PIGN: variants seen among roughly 807,000 people sequenced by gnomAD.
PIGN encodes phosphatidylinositol glycan anchor biosynthesis class N, also known as GPI ethanolamine phosphate transferase 1.
A neutral mutation model predicts 125.4 loss-of-function variants in PIGN; 117 were observed. That is an observed-to-expected ratio of 0.93 (90% CI 0.80 to 1.09). The LOEUF is 1.09. Among genes scored for constraint, PIGN ranks in the 50% least tolerant of loss-of-function variants. The pLI, the probability that PIGN is intolerant of heterozygous loss-of-function variation, is 0.00. For missense variants in PIGN, 1,075 were observed against 1,094.9 expected (o/e 0.98, Z 0.26); for synonymous variants, 392 against 377.8 (o/e 1.04, Z -0.44).
In PIGN at chr18:62,106,690, T is replaced by C. The variant is rs1411382752; in HGVS notation, c.1767+99A>G. On this transcript the variant is annotated intron_variant, in intron 19 of 30. Transcript: ENST00000640252. ...CTAGGCTCTTTTATGTAAGAACACATTCTACCCTTTTCTTTAAAAATAAAC... is the reference window on the plus strand; with the variant it reads ...CTAGGCTCTTTTATGTAAGAACACACTCTACCCTTTTCTTTAAAAATAAAC... The C allele has an allele frequency of 6.6e-6, 5 of 753,422 alleles. No individual in the cohort carries two copies. In the East Asian group the frequency reaches 1.3e-4, roughly 20 times the overall value. 46.7% of individuals were successfully genotyped at this position (753,422 alleles called of 1,614,324 possible). A position where few individuals can be genotyped will look rare whatever the true frequency, so the allele number is the denominator to read the frequency against.
intron 30 of PIGN, among the ~76,000 whole-genome samples, chr18:62,071,496 C>T (rs1400217531): frequency 1.3e-5 from 2 of 152,116 alleles, no homozygotes; most frequent in African/African-American, 4.8e-5. Flanking sequence ...ATCATATGGG[C>T]ACCTTCTATA....
At chr18:62,095,038 A>G (rs2034120222) in intron 23 of PIGN, among the ~76,000 whole-genome samples, 1 of 152,162 alleles carries the variant, frequency 6.6e-6, no homozygotes, top group Non-Finnish European at 1.5e-5. Context: ...TGGCTTTACA[A>G]AATCATTTGA....
intron 10 of PIGN, among the ~76,000 whole-genome samples, chr18:62,143,933 G>A (rs1365709164): frequency 6.6e-6 from 1 of 152,134 alleles, no homozygotes; most frequent in Admixed American, 6.5e-5. Flanking sequence ...ATCTAAACAA[G>A]TGATTATGAG....
chr18:62,074,345 C>T (rs1354333406), intron 29 of PIGN, among the ~76,000 whole-genome samples: 2 of 152,196 alleles, frequency 1.3e-5, no homozygotes, highest in Non-Finnish European at 1.5e-5. Context: ...TTTATTGCAG[C>T]TACGTCTTGA....
At chr18:62,074,626 T>C (rs904200363) in intron 29 of PIGN, among the ~76,000 whole-genome samples, 153 bp downstream of exon 29, 3 of 152,144 alleles carry the variant, frequency 2.0e-5, no homozygotes, top group Admixed American at 2.0e-4. Context: ...GCATAACTAA[T>C]ATAAAAGAAC....
chr18:62,164,714 G>A (rs1568248651), intron 1 of PIGN, among the ~76,000 whole-genome samples: 2 of 152,210 alleles, frequency 1.3e-5, no homozygotes, highest in East Asian at 1.9e-4. Context: ...CATACATTAT[G>A]TTGATTATTA....
intron 14 of PIGN, among the ~76,000 whole-genome samples, chr18:62,122,539 G>A (rs1300607729): frequency 6.6e-6 from 1 of 152,102 alleles, no homozygotes; most frequent in African/African-American, 2.4e-5. Context: ...AGTGGATTCA[G>A]AATAGCAGCA....
At chr18:62,101,295 T>C in intron 21 of PIGN, 112 bp from the exon 22 acceptor site, 1 of 663,490 alleles carries the variant, frequency 1.5e-6, no homozygotes, top group Non-Finnish European at 2.6e-6. Flanking sequence ...AAAAAATGTG[T>C]ATCTTGGAAT....
chr18:62,087,142 C>T (rs945427722), intron 25 of PIGN, among the ~76,000 whole-genome samples: 5 of 151,888 alleles, frequency 3.3e-5, no homozygotes, highest in African/African-American at 1.2e-4. Flanking sequence ...ATGGCATAAA[C>T]CAGGCACAAT....
chr18:62,144,689 G>A (rs945056283), intron 10 of PIGN, among the ~76,000 whole-genome samples: 5 of 152,176 alleles, frequency 3.3e-5, no homozygotes, highest in African/African-American at 1.2e-4. Context: ...AACTTCTAGG[G>A]TATAAATGTA....
At chr18:62,163,471 C>T (rs1419692350) in intron 2 of PIGN, 60 bp downstream of exon 2, 1 of 152,096 alleles carries the variant, frequency 6.6e-6, no homozygotes, top group Non-Finnish European at 1.5e-5. Context: ...GGGTCAACTA[C>T]TTAAAATACC....
At chr18:62,124,179 G>GA (rs2035416264) in intron 14 of PIGN, among the ~76,000 whole-genome samples, 1 of 152,032 alleles carries the variant, frequency 6.6e-6, no homozygotes, top group Non-Finnish European at 1.5e-5. Context: ...CAGATTTTGA[G>GA]AAAAATGATT....
intron 30 of PIGN, among the ~76,000 whole-genome samples, chr18:62,061,629 A>G (rs1568129909): frequency 6.6e-6 from 1 of 152,110 alleles, no homozygotes; most frequent in East Asian, 1.9e-4. Context: ...TACTATTAAC[A>G]CAAAGGAGTT....
intron 22 of PIGN, among the ~76,000 whole-genome samples, chr18:62,100,042 G>A (rs1348605595): frequency 1.3e-5 from 2 of 152,090 alleles, no homozygotes; most frequent in African/African-American, 4.8e-5. Context: ...TACAGAATGG[G>A]AGAAAATATT....
At chr18:62,138,599 A>G (rs1290089252) in intron 13 of PIGN, among the ~76,000 whole-genome samples, 1 of 152,228 alleles carries the variant, frequency 6.6e-6, no homozygotes, top group Non-Finnish European at 1.5e-5. Context: ...CATTAAGAAT[A>G]ACAGAAGGTT....
chr18:62,158,123 T>A (rs1010651365), intron 4 of PIGN: 6 of 215,460 alleles, frequency 2.8e-5, no homozygotes, highest in African/African-American at 1.4e-4. Flanking sequence ...AGATAAAACA[T>A]ATATTATTAT....
intron 12 of PIGN, among the ~76,000 whole-genome samples, chr18:62,139,825 G>T (rs564212948): frequency 6.6e-6 from 1 of 152,282 alleles, no homozygotes; most frequent in East Asian, 1.9e-4. Flanking sequence ...CCTGAGAACA[G>T]CTCTGCCATG....
intron 30 of PIGN, among the ~76,000 whole-genome samples, chr18:62,047,760 C>T (rs1406588866): frequency 6.6e-6 from 1 of 151,966 alleles, no homozygotes; most frequent in Non-Finnish European, 1.5e-5. Flanking sequence ...ACCAAATACC[C>T]AAAATGTCTA....
intron 30 of PIGN, among the ~76,000 whole-genome samples, chr18:62,055,941 A>G (rs942823243): frequency 6.6e-6 from 1 of 151,234 alleles, no homozygotes; most frequent in African/African-American, 2.4e-5. Context: ...GAATTATTAA[A>G]GATAATTTAT....
Sources: gnomAD v4.1 joint callset for allele counts (sites outside exome capture counted in the v4.1 genomes callset) on GRCh38, gnomAD v4.1.1 for gene constraint, MANE v1.5 for transcripts, NCBI Gene and HGNC (gene_info 2026-07-23, HGNC 2026-07-21) for gene names.